The following APOOL variants were observed in gnomAD, a reference collection of about 807,000 sequenced individuals.
APOOL encodes MICOS complex subunit MIC27.
In APOOL, 12 loss-of-function variants were observed where a neutral mutation model predicts 23.1. The observed-to-expected ratio is 0.52, with a 90% confidence interval of 0.33 to 0.84. The LOEUF (loss-of-function observed/expected upper bound fraction) is 0.84. APOOL is among the 40% of genes least tolerant of loss of function. The pLI, the probability that APOOL is intolerant of heterozygous loss-of-function variation, is 0.02. For synonymous variants in APOOL, 77 were observed against 69.9 expected (o/e 1.10, Z -0.51); for missense variants, 212 against 199.6 (o/e 1.06, Z -0.37).
chrX:85,037,505 C>A (rs370961198), intron 1 of APOOL, among the ~76,000 whole-genome samples: 1 of 111,589 alleles, frequency 9.0e-6, no homozygotes, highest in Non-Finnish European at 1.9e-5. Context: ...AAACCTCTTT[C>A]TTTGGTAAAT....
At chrX:85,080,148 G>T (rs1289090044) in intron 8 of APOOL, among the ~76,000 whole-genome samples, 2 of 111,230 alleles carry the variant, frequency 1.8e-5, no homozygotes, top group African/African-American at 6.5e-5. Flanking sequence ...GAATGTGTTT[G>T]CTCTTGCTTC....
At chrX:85,024,286 T>G (rs1921767832) in intron 1 of APOOL, among the ~76,000 whole-genome samples, 1 of 112,310 alleles carries the variant, frequency 8.9e-6, no homozygotes, top group Non-Finnish European at 1.9e-5. Context: ...CATTTTTCTC[T>G]TCAAGCATTC....
intron 5 of APOOL, among the ~76,000 whole-genome samples, chrX:85,064,387 G>C (rs1381548501): frequency 1.0e-5 from 1 of 99,778 alleles, no homozygotes; most frequent in Non-Finnish European, 2.0e-5. Flanking sequence ...GTCACCTTCA[G>C]CTCTGAAGCT....
intron 6 of APOOL, among the ~76,000 whole-genome samples, chrX:85,070,720 G>C (rs1294682039): frequency 9.1e-6 from 1 of 109,405 alleles, no homozygotes; most frequent in African/African-American, 3.3e-5. Flanking sequence ...TTCATCTTAT[G>C]ACTGAAAGTT....
At position 85,092,568 on chromosome X, in the gene APOOL, A is replaced by C; in HGVS notation, c.*4890A>C. On this transcript the variant is annotated 3_prime_UTR_variant, in exon 9 of 9. Coordinates refer to ENST00000373173, the MANE Select transcript of APOOL (RefSeq NM_198450.6). ...ATTGAGTTGTGATGGCTATCTGTTT[A>C]AAAACAAACAAGCAAATATTACTTT... 8.4e-7 allele frequency: 1 copy of C among 1,192,087 alleles called. No individual in the cohort carries two copies. Among genetic ancestry groups the C allele is most frequent in the South Asian group, 1.8e-5 (1 of 54,453 alleles).
intron 1 of APOOL, among the ~76,000 whole-genome samples, chrX:85,004,521 A>T (rs933859583): frequency 4.5e-5 from 5 of 112,314 alleles, no homozygotes; most frequent in African/African-American, 1.6e-4. Context: ...AGCTTGCTGC[A>T]GTTCCCTAAG....
At chrX:85,064,923 C>G (rs1022896610) in intron 5 of APOOL, among the ~76,000 whole-genome samples, 4 of 111,019 alleles carry the variant, frequency 3.6e-5, no homozygotes, top group Non-Finnish European at 5.7e-5. Flanking sequence ...GAGTTCAAGT[C>G]TGAGTATCTT....
chrX:85,066,524 A>G (rs2062061907), intron 5 of APOOL, among the ~76,000 whole-genome samples: 1 of 111,683 alleles, frequency 9.0e-6, no homozygotes, highest in Admixed American at 9.6e-5. Flanking sequence ...AAAAAAAGAT[A>G]CGAAAATAAC....
At chrX:85,072,885 T>C (rs546723972) in intron 6 of APOOL, among the ~76,000 whole-genome samples, 9 of 112,186 alleles carry the variant, frequency 8.0e-5, no homozygotes, top group African/African-American at 2.9e-4. Context: ...TAATTGAGAT[T>C]GTATTGTATA....
chrX:85,017,672 C>T (rs144207015), intron 1 of APOOL, among the ~76,000 whole-genome samples: 2,935 of 111,497 alleles, frequency 0.026, 97 homozygotes, highest in African/African-American at 0.091. Flanking sequence ...GGGATGGCTT[C>T]CCTGGGCTTG....
intron 6 of APOOL, among the ~76,000 whole-genome samples, chrX:85,067,786 AAC>A (rs1455049180): frequency 9.0e-6 from 1 of 111,598 alleles, no homozygotes; most frequent in African/African-American, 3.3e-5. Flanking sequence ...TAATGATTTG[AAC>A]AGTTTTTTTC....
intron 1 of APOOL, among the ~76,000 whole-genome samples, chrX:85,040,469 A>T (rs1280277661): frequency 8.9e-6 from 1 of 112,154 alleles, no homozygotes; most frequent in Non-Finnish European, 1.9e-5. Context: ...GTTTTCATGG[A>T]CAATATTCTC....
At chrX:85,068,587 G>A (rs1923556195) in intron 6 of APOOL, among the ~76,000 whole-genome samples, 1 of 108,181 alleles carries the variant, frequency 9.2e-6, no homozygotes, top group Non-Finnish European at 1.9e-5. Context: ...TGTATTTTTA[G>A]TAGAGATGGG....
chrX:85,040,467 G>C (rs769664912), intron 1 of APOOL, among the ~76,000 whole-genome samples: 4 of 111,922 alleles, frequency 3.6e-5, no homozygotes, highest in Non-Finnish European at 5.6e-5. Flanking sequence ...ACGTTTTCAT[G>C]GACAATATTC....
At chrX:85,029,350 G>C (rs1276681325) in intron 1 of APOOL, among the ~76,000 whole-genome samples, 1 of 111,804 alleles carries the variant, frequency 8.9e-6, no homozygotes, top group Non-Finnish European at 1.9e-5. Flanking sequence ...AATTGTACTT[G>C]TTTCCCAGGG....
intron 8 of APOOL, among the ~76,000 whole-genome samples, chrX:85,081,994 C>A (rs894635163): frequency 8.9e-6 from 1 of 111,784 alleles, no homozygotes; most frequent in Admixed American, 9.5e-5. Flanking sequence ...TTCATCTAAT[C>A]TGTTTTCAAG....
Position 85,034,757 on chromosome X carries a change from T to G in APOOL, c.16-11689T>G, listed in dbSNP as rs750127776. Among the ~76,000 whole-genome samples the G allele has an allele frequency of 2.1e-4, 24 of 112,346 alleles. No homozygotes were observed. The East Asian group carries it at 6.7e-3, about 31-fold the overall frequency. ...CATTAATTCAGTTAGGATAATGACTTCCAGCTGCATCCATGTTGCTGTAAA... is the reference window on the plus strand; with the variant it reads ...CATTAATTCAGTTAGGATAATGACTGCCAGCTGCATCCATGTTGCTGTAAA... On this transcript the variant is annotated intron_variant, in intron 1 of 8. Transcript: ENST00000373173.
intron 1 of APOOL, among the ~76,000 whole-genome samples, chrX:85,020,446 C>CT (rs2147476814): frequency 9.0e-6 from 1 of 111,488 alleles, no homozygotes. Flanking sequence ...CAGCAACAGG[C>CT]TTGTCTCAGT....
chrX:85,092,202 G>A lies in APOOL; in HGVS notation c.*4524G>A, dbSNP rs949313756. ...TGGATTATCACTACTGCTACTAGCC[G>A]TTAGAATATTGGTTTGGATAATGGA... is the stretch of plus-strand genomic sequence containing the variant. On this transcript the variant is annotated 3_prime_UTR_variant, in exon 9 of 9. Transcript: ENST00000373173. 5.0e-6 allele frequency: 2 copies of A among 396,238 alleles called. No homozygotes were observed. The highest frequency in any genetic ancestry group is 8.3e-6 in the Non-Finnish European group (2 of 239,649). The allele number at this position is 396,238 out of a possible 1,213,427, so 32.7% of individuals were successfully genotyped here.
Sources: allele counts gnomAD v4.1 joint callset (sites outside exome capture counted in the v4.1 genomes callset), GRCh38; gene constraint gnomAD v4.1.1; transcripts MANE v1.5; gene names NCBI Gene and HGNC (gene_info 2026-07-23, HGNC 2026-07-21).